Variants in CDK5RAP2 observed in about 807,000 individuals in gnomAD.
CDK5RAP2 encodes the protein CDK5 regulatory subunit-associated protein 2.
CDK5RAP2 carries 147 observed loss-of-function variants against 232.9 expected under a neutral mutation model. That is an observed-to-expected ratio of 0.63 (90% CI 0.55 to 0.72). The LOEUF (loss-of-function observed/expected upper bound fraction) is 0.72. Among genes scored for constraint, CDK5RAP2 ranks in the 30% least tolerant of loss-of-function variants. The probability of loss-of-function intolerance (pLI) is 0.00; values close to 1 mark genes in which losing one functional copy is unlikely to be tolerated. For missense variants in CDK5RAP2, 2,195 were observed against 2,231.5 expected, an observed-to-expected ratio of 0.98 and a Z score of 0.33; for synonymous variants, 833 against 833.7, an observed-to-expected ratio of 1.00 and a Z score of 0.01.
intron 3 of CDK5RAP2, among the ~76,000 whole-genome samples, chr9:120,558,077 T>A (rs1221706972): frequency 7.0e-6 from 1 of 143,864 alleles, no homozygotes; most frequent in Non-Finnish European, 1.5e-5. Context: ...AGAAATTCTT[T>A]TTTAAAAAAT....
At chr9:120,558,321 C>T (rs1376444153) in intron 3 of CDK5RAP2, among the ~76,000 whole-genome samples, 3 of 114,122 alleles carry the variant, frequency 2.6e-5, no homozygotes, top group African/African-American at 9.9e-5. Context: ...TGCAGTGAGC[C>T]GAGATCACAC....
chr9:120,489,574 CAACTTT>C (rs989578568), intron 13 of CDK5RAP2, among the ~76,000 whole-genome samples: 4 of 152,114 alleles, frequency 2.6e-5, no homozygotes, highest in Non-Finnish European at 5.9e-5. Flanking sequence ...AAGACTTACT[CAACTTT>C]ATCTTCCAAC....
chr9:120,571,542 A>C (rs1187569680), intron 2 of CDK5RAP2, among the ~76,000 whole-genome samples: 1 of 152,240 alleles, frequency 6.6e-6, no homozygotes, highest in African/African-American at 2.4e-5. Flanking sequence ...TTGTCTCCAA[A>C]GGGCAGGCCC....
chr9:120,514,007 G>C (rs1292429241), intron 12 of CDK5RAP2, among the ~76,000 whole-genome samples: 2 of 152,186 alleles, frequency 1.3e-5, no homozygotes, highest in African/African-American at 4.8e-5. Context: ...CTCAGGCTCT[G>C]AGTAAGCCAG....
chr9:120,446,501 C>T (rs1040837096), intron 22 of CDK5RAP2, among the ~76,000 whole-genome samples: 117 of 152,182 alleles, frequency 7.7e-4, no homozygotes, highest in Non-Finnish European at 2.4e-4. Context: ...GCTGGGATTA[C>T]ATGTGTGAGA....
chr9:120,569,504 AG>A (rs2042769045), intron 2 of CDK5RAP2, among the ~76,000 whole-genome samples: 1 of 152,100 alleles, frequency 6.6e-6, no homozygotes, highest in Non-Finnish European at 1.5e-5. Flanking sequence ...TTGAAGAGAA[AG>A]GACCAGTTAC....
At chr9:120,519,454 A>C (rs1263694665) in intron 11 of CDK5RAP2, among the ~76,000 whole-genome samples, 3 of 152,344 alleles carry the variant, frequency 2.0e-5, no homozygotes, top group Non-Finnish European at 2.9e-5. Flanking sequence ...CCAAAACAAA[A>C]CAACCTTGAC....
intron 29 of CDK5RAP2, 37 bp downstream of exon 29, chr9:120,411,321 G>T: frequency 1.6e-6 from 2 of 1,230,566 alleles, no homozygotes; most frequent in South Asian, 1.2e-5. Context: ...AGAAGGCTTT[G>T]GCGTTCCAGA....
chr9:120,389,632 A>G, intron 37 of CDK5RAP2, 109 bp downstream of exon 37: 1 of 1,029,100 alleles, frequency 9.7e-7, no homozygotes, highest in Non-Finnish European at 1.5e-6. Context: ...TCTGAGGAGG[A>G]CATGTCCCCT....
At chr9:120,406,926 G>A (rs2033482894) in intron 32 of CDK5RAP2, 86 bp downstream of exon 32, 24 of 1,017,670 alleles carry the variant, frequency 2.4e-5, no homozygotes, top group Non-Finnish European at 3.7e-5. Context: ...CCTCTGTGGG[G>A]CAAAGGCATC....
Position 120,571,978 on chromosome 9 carries a change from A to G in CDK5RAP2, c.123T>C (p.Asn41=). 6.2e-7 allele frequency: 1 copy of G among 1,613,422 alleles called. No homozygotes were observed. The highest frequency in any genetic ancestry group is 8.5e-7 in the Non-Finnish European group (1 of 1,179,370). The part of the protein sequence containing the change: ...DGINPNAGLG[N]GLLPNVSEET... ...TGCCTGGTTTTGTGTACTTACGACC[A>G]TTTCCCAACCCAGCATTGGGGTTGA... Residue 41 remains asparagine, a synonymous_variant, in exon 2 of 38, where the codon AAT becomes AAC. Transcript: ENST00000349780.
chr9:120,404,716 T>G (rs142198232), intron 32 of CDK5RAP2, among the ~76,000 whole-genome samples: 2 of 152,130 alleles, frequency 1.3e-5, no homozygotes, highest in African/African-American at 4.8e-5. Flanking sequence ...AGGTCTGTAT[T>G]TTGTACTGAA....
intron 4 of CDK5RAP2, among the ~76,000 whole-genome samples, chr9:120,548,400 G>A (rs967884847): frequency 2.6e-5 from 4 of 152,054 alleles, no homozygotes; most frequent in African/African-American, 7.2e-5. Context: ...ATGTCCATTC[G>A]GTTATTTTTC....
At chr9:120,563,916 G>C (rs1487243965) in intron 3 of CDK5RAP2, among the ~76,000 whole-genome samples, 1 of 152,192 alleles carries the variant, frequency 6.6e-6, no homozygotes, top group African/African-American at 2.4e-5. Context: ...AGGAATAAGG[G>C]CCTCAATGCA....
rs771168069 is a variant in CDK5RAP2, at chr9:120,439,408, G to A, written c.3713C>T (p.Ser1238Leu). Residue 1238 changes from serine to leucine, a missense_variant, in exon 24 of 38, where the codon TCA becomes TTA. Ser to Leu is a moderately radical substitution (Grantham distance 145). Coordinates refer to ENST00000349780, the MANE Select transcript of CDK5RAP2 (RefSeq NM_018249.6). ...CAGAGGTGGAACGTACCTGGGAGGT[G>A]AGAGATCTCTGAACTTATTCTGCAG... ...HNLQNKFRDL[S>L]PPRYDSLVQS... The A allele has an allele frequency of 1.6e-5, 26 of 1,613,790 alleles. No individual in the cohort carries two copies. Among genetic ancestry groups the A allele is most frequent in the Non-Finnish European group, 2.2e-5 (26 of 1,179,732 alleles).
chr9:120,462,886 T>C (rs74861341), intron 18 of CDK5RAP2, among the ~76,000 whole-genome samples: 12,763 of 152,224 alleles, frequency 0.084, 1,084 homozygotes, highest in African/African-American at 0.22. Context: ...GATATGCACA[T>C]TGAAGTACTT....
chr9:120,402,982 G>A lies in CDK5RAP2; in HGVS notation c.5131C>T (p.Arg1711Cys), dbSNP rs747902104. 2.8e-5 allele frequency: 46 copies of A among 1,614,046 alleles called. No homozygotes were observed. Among genetic ancestry groups the A allele is most frequent in the Admixed American group, 3.3e-5 (2 of 60,010 alleles). Reference protein sequence around the residue: ...SSATSTPCVSRLVTGHHLWAS... With the variant: ...SSATSTPCVSCLVTGHHLWAS... ...CACAGGTGGTGGCCAGTGACCAGGCGGGACACACACGGAGTGCTAGTTGCC... is the reference window on the plus strand; with the variant it reads ...CACAGGTGGTGGCCAGTGACCAGGCAGGACACACACGGAGTGCTAGTTGCC... Residue 1711 changes from arginine to cysteine, a missense_variant, in exon 34 of 38, where the codon CGC becomes TGC. Arg to Cys is a radical substitution (Grantham distance 180). Transcript: ENST00000349780.
intron 25 of CDK5RAP2, among the ~76,000 whole-genome samples, chr9:120,425,064 G>T (rs1488858021): frequency 1.3e-5 from 2 of 151,962 alleles, no homozygotes; most frequent in African/African-American, 4.8e-5. Flanking sequence ...CCTTGGTTTG[G>T]GGCAGGCTTT....
intron 25 of CDK5RAP2, among the ~76,000 whole-genome samples, chr9:120,429,027 T>C (rs1431414180): frequency 1.3e-5 from 2 of 152,168 alleles, no homozygotes; most frequent in South Asian, 4.1e-4. Context: ...TCTCAATAGA[T>C]GCAGAAAAGG....
Sources: allele counts gnomAD v4.1 joint callset (sites outside exome capture counted in the v4.1 genomes callset), GRCh38; gene constraint gnomAD v4.1.1; transcripts MANE v1.5; gene names NCBI Gene and HGNC (gene_info 2026-07-23, HGNC 2026-07-21).